The following CD8B2 variants were observed in gnomAD, a reference collection of about 807,000 sequenced individuals.
CD8B2 encodes T-cell surface glycoprotein CD8 beta-2 chain.
CD8B2 carries 11 observed loss-of-function variants against 23.7 expected under a neutral mutation model. That is an observed-to-expected ratio of 0.46 (90% CI 0.29 to 0.77). The LOEUF (loss-of-function observed/expected upper bound fraction) is 0.77. CD8B2 is among the 30% of genes least tolerant of loss of function. The pLI is 0.09. For missense variants in CD8B2, 197 were observed against 270.5 expected (o/e 0.73, Z 1.91); for synonymous variants, 90 against 109.3 (o/e 0.82, Z 1.10).
intron 4 of CD8B2, among the ~76,000 whole-genome samples, chr2:106,503,436 T>G (rs1427150053): frequency 6.6e-6 from 1 of 152,126 alleles, no homozygotes; most frequent in Admixed American, 6.6e-5. Context: ...GAGGGGCCCA[T>G]GTACCCCATT....
chr2:106,529,856 C>T (rs943446221), intron 5 of CD8B2, among the ~76,000 whole-genome samples: 5 of 152,204 alleles, frequency 3.3e-5, no homozygotes, highest in East Asian at 1.9e-4. Context: ...GGGCAAGCAG[C>T]GATGAGGTTT....
chr2:106,502,711 T>G, intron 4 of CD8B2, 148 bp downstream of exon 4: 1 of 571,978 alleles, frequency 1.7e-6, no homozygotes, highest in East Asian at 3.2e-5. Flanking sequence ...AGGTAGTTCT[T>G]GGCCTGGGGC....
Position 106,507,071 on chromosome 2 carries a change from A to C in CD8B2, c.*131A>C. On this transcript the variant is annotated 3_prime_UTR_variant, in exon 6 of 6. Coordinates refer to ENST00000643224, the MANE Select transcript of CD8B2 (RefSeq NM_001349727.2). ...TGGCTGCTGAAGCTGCCTGCTTTTCACTGCTGCAAGGCCTTTCTGTGTGTG... is the reference window on the plus strand; with the variant it reads ...TGGCTGCTGAAGCTGCCTGCTTTTCCCTGCTGCAAGGCCTTTCTGTGTGTG... 3 of 1,512,868 alleles carry C rather than the reference A, an allele frequency of 2.0e-6. No individual in the cohort carries two copies. In the East Asian group the frequency reaches 6.9e-5, roughly 35 times the overall value. The allele number at this position is 1,512,868 out of a possible 1,614,324, so 93.7% of individuals were successfully genotyped here.
chr2:106,510,717 GAC>G lies in CD8B2; in HGVS notation c.*3779_*3780del, dbSNP rs1400580351. 1.3e-5 allele frequency: 2 copies of G among 152,010 alleles called. No homozygotes were observed. The highest frequency in any genetic ancestry group is 2.9e-5 in the Non-Finnish European group (2 of 68,004). 9.4% of individuals were successfully genotyped at this position (152,010 alleles called of 1,614,324 possible). ...ACTGCACTCCAGCCTGGGCAACACA[GAC>G]AGACCTTGTCTCAAAAATAAATTTT... On this transcript the variant is annotated 3_prime_UTR_variant, in exon 6 of 6. Coordinates refer to ENST00000643224, the MANE Select transcript of CD8B2 (RefSeq NM_001349727.2).
intron 5 of CD8B2, among the ~76,000 whole-genome samples, chr2:106,520,627 C>T (rs1055391448): frequency 2.6e-5 from 4 of 152,158 alleles, no homozygotes; most frequent in Non-Finnish European, 5.9e-5. Flanking sequence ...CATGGTGGCT[C>T]ACACCTATAA....
At chr2:106,542,119 T>TTGAAGACAAACCTTCAG (rs1466040660) in intron 5 of CD8B2, among the ~76,000 whole-genome samples, 1 of 152,248 alleles carries the variant, frequency 6.6e-6, no homozygotes, top group African/African-American at 2.4e-5. Context: ...TACTTAACCT[T>TTGAAGACAAACCTTCAG]TGAAGACAAA....
At chr2:106,532,013 C>G (rs868792322) in intron 5 of CD8B2, among the ~76,000 whole-genome samples, 1 of 152,228 alleles carries the variant, frequency 6.6e-6, no homozygotes, top group Non-Finnish European at 1.5e-5. Context: ...AACAGATCTC[C>G]AGCCAGCTGT....
intron 5 of CD8B2, among the ~76,000 whole-genome samples, chr2:106,523,622 C>T (rs1679862556): frequency 6.6e-6 from 1 of 152,196 alleles, no homozygotes; most frequent in Non-Finnish European, 1.5e-5. Flanking sequence ...GTTACAAGAA[C>T]ATCAGGAGTT....
At chr2:106,515,156 C>A (rs1222500206), downstream of CD8B2, among the ~76,000 whole-genome samples, 2 of 152,208 alleles carry the variant, frequency 1.3e-5, no homozygotes. Flanking sequence ...TTAATATTAA[C>A]CATCACAGCA....
At chr2:106,521,037 A>AGG (rs1679818594) in intron 5 of CD8B2, among the ~76,000 whole-genome samples, 1 of 150,596 alleles carries the variant, frequency 6.6e-6, no homozygotes, top group Non-Finnish European at 1.5e-5. Flanking sequence ...AGAGAGAGAG[A>AGG]GAGAGAGAGA....
chr2:106,523,163 C>T (rs1295293981), intron 5 of CD8B2, among the ~76,000 whole-genome samples: 1 of 152,130 alleles, frequency 6.6e-6, no homozygotes. Flanking sequence ...GAACACAGAA[C>T]AAACCCTGTG....
At position 106,509,353 on chromosome 2, in the gene CD8B2, G is replaced by A. The variant is rs1375066319; in HGVS notation, c.*2413G>A. On this transcript the variant is annotated 3_prime_UTR_variant, in exon 6 of 6. Coordinates refer to ENST00000643224, the MANE Select transcript of CD8B2 (RefSeq NM_001349727.2). ...AGACTCCTCTAGGGTTCGTGTTTCA[G>A]GTGGGCCCCTCACCCGGCCCATCAC... 6.6e-6 allele frequency: 1 copy of A among 152,140 alleles called. No homozygotes were observed. The highest frequency in any genetic ancestry group is 2.4e-5 in the African/African-American group (1 of 41,442). 9.4% of individuals were successfully genotyped at this position (152,140 alleles called of 1,614,324 possible). A position where few individuals can be genotyped will look rare whatever the true frequency, so the allele number is the denominator to read the frequency against.
intron 5 of CD8B2, among the ~76,000 whole-genome samples, chr2:106,521,404 G>C (rs1015471755): frequency 1.6e-4 from 24 of 152,226 alleles, no homozygotes; most frequent in Non-Finnish European, 1.5e-5. Flanking sequence ...CTTCGAGCTT[G>C]CGTGTCTATG....
At chr2:106,542,783 AG>A (rs1680196619) in intron 5 of CD8B2, among the ~76,000 whole-genome samples, 1 of 150,990 alleles carries the variant, frequency 6.6e-6, no homozygotes, top group African/African-American at 2.4e-5. Flanking sequence ...TAAATATAAA[AG>A]TATATACATT....
At chr2:106,489,410 G>A (rs1048858708) in intron 1 of CD8B2, among the ~76,000 whole-genome samples, 23 of 151,916 alleles carry the variant, frequency 1.5e-4, no homozygotes, top group East Asian at 9.8e-4. Context: ...ATGGGGCCAC[G>A]GAGCCTGAGC....
At chr2:106,514,293 T>C (rs1200680583), downstream of CD8B2, among the ~76,000 whole-genome samples, 7 of 147,484 alleles carry the variant, frequency 4.7e-5, no homozygotes, top group Non-Finnish European at 1.1e-4. Flanking sequence ...TGTCTTTTTT[T>C]TTTTTTTTTT....
Position 106,490,878 on chromosome 2 carries a change from C to G in CD8B2, c.48C>G (p.Leu16=), listed in dbSNP as rs1679180902. The change falls in exon 2 of 6, where the codon CTC becomes CTG. Residue 16 remains leucine, a synonymous_variant. Coordinates refer to ENST00000643224, the MANE Select transcript of CD8B2 (RefSeq NM_001349727.2). The stretch of plus-strand genomic sequence containing the variant: ...TCTGTTCTTGGCTTTTCCTAGTTCT[C>G]CATGGCAACTCAGTCCTCCAGCAGA... ...WLLLAAQLTV[L]HGNSVLQQTP... 1.3e-6 allele frequency: 2 copies of G among 1,571,152 alleles called. No individual in the cohort carries two copies. The highest frequency in any genetic ancestry group is 1.7e-6 in the Non-Finnish European group (2 of 1,157,878).
intron 5 of CD8B2, among the ~76,000 whole-genome samples, chr2:106,535,623 G>A (rs1319243930): frequency 6.6e-6 from 1 of 151,968 alleles, no homozygotes; most frequent in Admixed American, 6.5e-5. Flanking sequence ...CCCACGCTTG[G>A]GTATACATCT....
chr2:106,512,009 C>T (rs991963818), downstream of CD8B2, among the ~76,000 whole-genome samples: 10 of 152,306 alleles, frequency 6.6e-5, no homozygotes, highest in Admixed American at 2.6e-4. Flanking sequence ...CTTTCACAAG[C>T]GAGTACCCTT....
Sources: allele counts gnomAD v4.1 joint callset (sites outside exome capture counted in the v4.1 genomes callset), GRCh38; gene constraint gnomAD v4.1.1; transcripts MANE v1.5; gene names NCBI Gene and HGNC (gene_info 2026-07-23, HGNC 2026-07-21).